Variants in CLSTN2 observed in about 807,000 individuals in gnomAD.
The protein encoded by CLSTN2 is calsyntenin-2.
A neutral mutation model predicts 101.2 loss-of-function variants in CLSTN2; 48 were observed. The observed-to-expected ratio is 0.47, with a 90% confidence interval of 0.38 to 0.60. The LOEUF (loss-of-function observed/expected upper bound fraction) is 0.60. Among genes scored for constraint, CLSTN2 ranks in the 20% least tolerant of loss-of-function variants. The probability of loss-of-function intolerance (pLI) is 0.00; values close to 1 mark genes in which losing one functional copy is unlikely to be tolerated. For synonymous variants in CLSTN2, 481 were observed against 463.6 expected (o/e 1.04, Z -0.48); for missense variants, 1,160 against 1,238.2 (o/e 0.94, Z 0.95).
chr3:140,396,448 C>T (rs1234938669), intron 2 of CLSTN2, among the ~76,000 whole-genome samples: 2 of 152,112 alleles, frequency 1.3e-5, no homozygotes, highest in Non-Finnish European at 2.9e-5. Flanking sequence ...AGGTGTGTGA[C>T]TTTTCTTCAA....
At chr3:140,117,665 A>C (rs553183972) in intron 1 of CLSTN2, among the ~76,000 whole-genome samples, 3 of 152,176 alleles carry the variant, frequency 2.0e-5, no homozygotes, top group Non-Finnish European at 4.4e-5. Flanking sequence ...ATAACCACAT[A>C]AGTCCAGTAC....
intron 1 of CLSTN2, among the ~76,000 whole-genome samples, chr3:140,145,321 G>A (rs1403871678): frequency 6.6e-6 from 1 of 152,188 alleles, no homozygotes; most frequent in Non-Finnish European, 1.5e-5. Flanking sequence ...TTTGAGCCTG[G>A]TATAGCCTGA....
At chr3:140,547,001 G>T (rs1357866339) in intron 10 of CLSTN2, among the ~76,000 whole-genome samples, 1 of 152,226 alleles carries the variant, frequency 6.6e-6, no homozygotes, top group Non-Finnish European at 1.5e-5. Flanking sequence ...TTAGTTGGCT[G>T]CTCTGTTGTT....
chr3:140,035,042 G>A (rs547829741), intron 1 of CLSTN2, among the ~76,000 whole-genome samples: 63 of 152,230 alleles, frequency 4.1e-4, no homozygotes, highest in African/African-American at 1.3e-3. Flanking sequence ...AGAAATTCCC[G>A]GGAACCTACC....
intron 2 of CLSTN2, among the ~76,000 whole-genome samples, chr3:140,297,782 A>G (rs1474078034): frequency 1.3e-5 from 2 of 152,062 alleles, no homozygotes; most frequent in Non-Finnish European, 2.9e-5. Flanking sequence ...CACAAATGAC[A>G]TTTTCCTTAG....
At chr3:140,176,808 T>C (rs2010332189) in intron 2 of CLSTN2, among the ~76,000 whole-genome samples, 1 of 152,238 alleles carries the variant, frequency 6.6e-6, no homozygotes, top group South Asian at 2.1e-4. Flanking sequence ...GTAATATTGT[T>C]AACATTTTAT....
intron 4 of CLSTN2, 133 bp from the exon 5 acceptor site, chr3:140,420,992 T>G (rs922072110): frequency 1.0e-6 from 1 of 960,134 alleles, no homozygotes; most frequent in African/African-American, 1.6e-5. Context: ...CTGTTTGCCC[T>G]TGTTTTTACA....
intron 1 of CLSTN2, among the ~76,000 whole-genome samples, chr3:139,965,908 C>T (rs930983858): frequency 6.6e-5 from 10 of 152,266 alleles, no homozygotes; most frequent in Middle Eastern, 3.4e-3. Flanking sequence ...CAACTTGCCC[C>T]GTCAACCCGT....
At chr3:140,019,369 C>T (rs2007262908) in intron 1 of CLSTN2, among the ~76,000 whole-genome samples, 1 of 152,148 alleles carries the variant, frequency 6.6e-6, no homozygotes, top group African/African-American at 2.4e-5. Flanking sequence ...ACTGACCTCC[C>T]CTGGGTAAGA....
chr3:140,400,367 A>G (rs991533327), intron 2 of CLSTN2, among the ~76,000 whole-genome samples: 1 of 152,202 alleles, frequency 6.6e-6, no homozygotes, highest in Non-Finnish European at 1.5e-5. Context: ...TTGTCCCATC[A>G]GACTTTATTC....
rs2087950336 is a variant in CLSTN2 at position 140,379,001 on chromosome 3, G to A, written c.233-24628G>A. Among the ~76,000 whole-genome samples the A allele has an allele frequency of 3.9e-5, 6 of 152,168 alleles. No individual in the cohort carries two copies. In the South Asian group the frequency reaches 1.2e-3, roughly 32 times the overall value. On this transcript the variant is annotated intron_variant, in intron 2 of 16. Coordinates refer to ENST00000458420, the MANE Select transcript of CLSTN2 (RefSeq NM_022131.3). ...ACTTACTGAAATGAGCTTGAGATCT[G>A]AAGTCTTTATCTGTTGTGGTTGACT...
At chr3:140,232,180 A>G (rs2086376915) in intron 2 of CLSTN2, among the ~76,000 whole-genome samples, 1 of 152,182 alleles carries the variant, frequency 6.6e-6, no homozygotes, top group South Asian at 2.1e-4. Flanking sequence ...AAGCAAATAC[A>G]TGGTTCAGTC....
intron 1 of CLSTN2, among the ~76,000 whole-genome samples, chr3:140,124,473 T>C (rs1377850295): frequency 1.3e-5 from 2 of 151,948 alleles, no homozygotes; most frequent in African/African-American, 4.8e-5. Flanking sequence ...TGGGAGGTGG[T>C]GAGAAGTGGA....
intron 1 of CLSTN2, among the ~76,000 whole-genome samples, chr3:139,980,507 G>A (rs1935895829): frequency 6.6e-6 from 1 of 151,906 alleles, no homozygotes; most frequent in Non-Finnish European, 1.5e-5. Flanking sequence ...TCTCTTTCTT[G>A]TTCATCAAGA....
In CLSTN2 at chr3:140,568,467, C is replaced by T. The variant is rs1275898763; in HGVS notation, c.*2214C>T. ...AACAGATATTTCTCCTGGGAATTCT[C>T]CCAACCAAATAGCCCTTTTCTATTA... On this transcript the variant is annotated 3_prime_UTR_variant, in exon 17 of 17. Transcript: ENST00000458420. 1 of 152,164 alleles carries T rather than the reference C, an allele frequency of 6.6e-6. No homozygotes were observed. The highest frequency in any genetic ancestry group is 2.1e-4 in the South Asian group (1 of 4,818). The allele number at this position is 152,164 out of a possible 1,614,324, so 9.4% of individuals were successfully genotyped here. A position where few individuals can be genotyped will look rare whatever the true frequency, so the allele number is the denominator to read the frequency against.
intron 1 of CLSTN2, among the ~76,000 whole-genome samples, chr3:140,093,186 CA>C (rs1315506386): frequency 6.6e-6 from 1 of 152,142 alleles, no homozygotes; most frequent in Admixed American, 6.5e-5. Context: ...TGCGGTGGGG[CA>C]GGGGTGTCGC....
intron 2 of CLSTN2, among the ~76,000 whole-genome samples, chr3:140,341,582 C>T (rs1349911434): frequency 6.6e-6 from 1 of 152,168 alleles, no homozygotes; most frequent in Admixed American, 6.5e-5. Context: ...ATCCAGCCAC[C>T]TGCAAACACC....
chr3:140,548,786 T>C (rs1486128963), intron 10 of CLSTN2, among the ~76,000 whole-genome samples: 1 of 152,082 alleles, frequency 6.6e-6, no homozygotes, highest in Non-Finnish European at 1.5e-5. Context: ...GTTTAGGTGT[T>C]TACGTTTTTT....
chr3:140,466,213 T>C (rs988701224), intron 7 of CLSTN2, among the ~76,000 whole-genome samples: 10 of 152,164 alleles, frequency 6.6e-5, no homozygotes, highest in Non-Finnish European at 8.8e-5. Flanking sequence ...GAAACCAGTA[T>C]GTTAAAGGAG....
Sources: gnomAD v4.1 joint callset for allele counts (sites outside exome capture counted in the v4.1 genomes callset) on GRCh38, gnomAD v4.1.1 for gene constraint, MANE v1.5 for transcripts, NCBI Gene and HGNC (gene_info 2026-07-23, HGNC 2026-07-21) for gene names.